Variants in DDX10 observed in about 807,000 individuals in gnomAD.
DDX10 encodes probable ATP-dependent RNA helicase DDX10.
DDX10 carries 74 observed loss-of-function variants against 104.3 expected under a neutral mutation model. That is an observed-to-expected ratio of 0.71 (90% CI 0.59 to 0.86). The LOEUF is 0.86. Among genes scored for constraint, DDX10 ranks in the 40% least tolerant of loss-of-function variants. The pLI is 0.00. For synonymous variants in DDX10, 351 were observed against 353.4 expected (o/e 0.99, Z 0.08); for missense variants, 952 against 1,040.0 (o/e 0.92, Z 1.16).
intron 16 of DDX10, among the ~76,000 whole-genome samples, chr11:108,903,344 A>T (rs1863543514): frequency 6.6e-6 from 1 of 152,146 alleles, no homozygotes; most frequent in African/African-American, 2.4e-5. Context: ...TCTTTCACCT[A>T]ACATAATGAT....
chr11:108,903,507 T>C (rs760283827), intron 16 of DDX10, among the ~76,000 whole-genome samples: 26 of 152,182 alleles, frequency 1.7e-4, no homozygotes, highest in Admixed American at 1.3e-4. Flanking sequence ...GTACTGAACA[T>C]GCACAGACAT....
At chr11:108,745,152 C>T (rs2094330142) in intron 13 of DDX10, among the ~76,000 whole-genome samples, 1 of 123,760 alleles carries the variant, frequency 8.1e-6, no homozygotes, top group African/African-American at 2.9e-5. Context: ...CTTCCACTCA[C>T]TCCCCTTTCT....
At chr11:108,930,167 T>C (rs573499923) in intron 17 of DDX10, among the ~76,000 whole-genome samples, 1 of 152,360 alleles carries the variant, frequency 6.6e-6, no homozygotes, top group African/African-American at 2.4e-5. Context: ...TCTATCCTTC[T>C]CTTTCCGAAT....
chr11:108,706,920 C>T, intron 10 of DDX10, 83 bp downstream of exon 10: 1 of 1,126,490 alleles, frequency 8.9e-7, no homozygotes, highest in Non-Finnish European at 1.3e-6. Flanking sequence ...CTAATTTGCC[C>T]CTTCCCCTAA....
intron 16 of DDX10, among the ~76,000 whole-genome samples, chr11:108,883,513 A>C (rs749416253): frequency 1.6e-4 from 24 of 152,114 alleles, no homozygotes; most frequent in Non-Finnish European, 3.1e-4. Flanking sequence ...CGTCTTTACC[A>C]GATCTTCTTA....
intron 15 of DDX10, among the ~76,000 whole-genome samples, chr11:108,848,108 T>G (rs1217627974): frequency 6.6e-6 from 1 of 152,082 alleles, no homozygotes; most frequent in Non-Finnish European, 1.5e-5. Flanking sequence ...TAATGGAGAT[T>G]TTTCATGTTT....
chr11:108,818,975 G>A (rs1014240831), intron 13 of DDX10, among the ~76,000 whole-genome samples: 5 of 152,178 alleles, frequency 3.3e-5, no homozygotes, highest in East Asian at 1.9e-4. Context: ...CTAACTTAAC[G>A]TTGATGGTTT....
chr11:108,927,620 A>G (rs1446439556), intron 17 of DDX10, among the ~76,000 whole-genome samples: 2 of 149,520 alleles, frequency 1.3e-5, no homozygotes, highest in African/African-American at 2.5e-5. Flanking sequence ...CAGCCATATC[A>G]GACAGCACTT....
Position 108,931,681 on chromosome 11 carries a change from C to T in DDX10, c.2451-8565C>T, listed in dbSNP as rs868560575. On this transcript the variant is annotated intron_variant, in intron 17 of 17. Transcript: ENST00000322536. ...TATACTGAGTTAAACTTGATAGAGA[C>T]GAAGTTACAATAAGATCCAGGCACC... 1.1e-4 allele frequency among the ~76,000 whole-genome samples: 17 copies of T among 152,178 alleles called. No individual in the cohort carries two copies. The South Asian group carries it at 1.2e-3, about 11-fold the overall frequency.
intron 14 of DDX10, among the ~76,000 whole-genome samples, chr11:108,840,502 T>C (rs1430787003): frequency 1.3e-5 from 2 of 152,210 alleles, no homozygotes; most frequent in African/African-American, 2.4e-5. Flanking sequence ...CCTCTGTTTT[T>C]CTGGAAGGGA....
intron 13 of DDX10, among the ~76,000 whole-genome samples, chr11:108,790,208 C>G (rs1040544612): frequency 6.6e-6 from 1 of 152,108 alleles, no homozygotes; most frequent in Admixed American, 6.5e-5. Flanking sequence ...TTAAAAATTT[C>G]GCTTATTCTT....
At chr11:108,784,559 G>C (rs898114599) in intron 13 of DDX10, among the ~76,000 whole-genome samples, 2 of 151,898 alleles carry the variant, frequency 1.3e-5, no homozygotes, top group Non-Finnish European at 2.9e-5. Context: ...TTTGCTTGTC[G>C]TTTTAAGTTC....
chr11:108,733,892 T>C (rs1388876026), intron 13 of DDX10, among the ~76,000 whole-genome samples: 2 of 152,140 alleles, frequency 1.3e-5, no homozygotes, highest in East Asian at 3.9e-4. Flanking sequence ...AGTTGGGTTT[T>C]GTAAGCTAGC....
At chr11:108,807,234 T>A (rs1465866232) in intron 13 of DDX10, among the ~76,000 whole-genome samples, 1 of 151,908 alleles carries the variant, frequency 6.6e-6, no homozygotes, top group Non-Finnish European at 1.5e-5. Flanking sequence ...ATTTGTAGAG[T>A]TTAGTGGAAG....
Position 108,841,407 on chromosome 11 carries a change from G to A in DDX10, c.2178G>A (p.Lys726=), listed in dbSNP as rs777008780. 3 of 1,613,764 alleles carry A rather than the reference G, an allele frequency of 1.9e-6. No homozygotes were observed. In the East Asian group the frequency reaches 6.7e-5, roughly 36 times the overall value. ...DTGGINLHKA[K]ERLQEEDKFD... ...GTGGTATCAACTTACATAAAGCAAA[G>A]GAAAGACTTCAGGAAGAGGACAAAT... Residue 726 remains lysine (K), a synonymous_variant, in exon 15 of 18, where the codon AAG becomes AAA. Coordinates refer to ENST00000322536, the MANE Select transcript of DDX10 (RefSeq NM_004398.4).
chr11:108,801,971 G>A (rs1457764805), intron 13 of DDX10, among the ~76,000 whole-genome samples: 1 of 151,262 alleles, frequency 6.6e-6, no homozygotes, highest in Non-Finnish European at 1.5e-5. Context: ...TTTTAAAAAA[G>A]TGGGGGGAGG....
chr11:108,721,465 TA>T (rs2094298269), intron 12 of DDX10, among the ~76,000 whole-genome samples: 1 of 152,186 alleles, frequency 6.6e-6, no homozygotes, highest in South Asian at 2.1e-4. Context: ...TATTAGCAGA[TA>T]GGAAAGGCAC....
At chr11:108,706,907 C>T in intron 10 of DDX10, 70 bp downstream of exon 10, 5 of 1,298,914 alleles carry the variant, frequency 3.8e-6, no homozygotes, top group East Asian at 2.3e-5. Context: ...TAATTATGTG[C>T]ACCTAATTTG....
intron 16 of DDX10, among the ~76,000 whole-genome samples, chr11:108,877,706 A>G (rs752474835): frequency 2.0e-5 from 3 of 152,234 alleles, no homozygotes; most frequent in Non-Finnish European, 2.9e-5. Context: ...ATCTGAGTAG[A>G]TACAGACTTC....
Sources: gnomAD v4.1 joint callset for allele counts (sites outside exome capture counted in the v4.1 genomes callset) on GRCh38, gnomAD v4.1.1 for gene constraint, MANE v1.5 for transcripts, NCBI Gene and HGNC (gene_info 2026-07-23, HGNC 2026-07-21) for gene names.